Variants in PREPL observed in about 807,000 individuals in gnomAD.
PREPL encodes the protein prolyl endopeptidase like.
A neutral mutation model predicts 70.6 loss-of-function variants in PREPL; 77 were observed. The observed-to-expected ratio is 1.09, with a 90% CI of 0.91 to 1.32. PREPL has a LOEUF of 1.32. Ranked by LOEUF, PREPL falls within the 40% of genes most tolerant of loss-of-function variation. The probability of loss-of-function intolerance (pLI) is 0.00; values close to 1 mark genes in which losing one functional copy is unlikely to be tolerated. For synonymous variants in PREPL, 315 were observed against 264.8 expected, an observed-to-expected ratio of 1.19 and a Z score of -1.84; for missense variants, 1,002 against 778.2, an observed-to-expected ratio of 1.29 and a Z score of -3.42.
chr2:44,323,519 T>G, intron 10 of PREPL, 108 bp from the exon 11 acceptor site: 5 of 872,060 alleles, frequency 5.7e-6, no homozygotes, highest in Non-Finnish European at 8.2e-6. Context: ...AGAAAATAAC[T>G]CAAGCCATGT....
chr2:44,323,758 A>AAACAAC (rs534544261), intron 10 of PREPL, among the ~76,000 whole-genome samples: 3 of 152,130 alleles, frequency 2.0e-5, no homozygotes, highest in Admixed American at 6.5e-5. Context: ...TATTATATTA[A>AAACAAC]AACAACAACA....
At chr2:44,322,954 A>G (rs1177626614) in intron 11 of PREPL, 100 bp from the exon 12 acceptor site, 1 of 1,464,622 alleles carries the variant, frequency 6.8e-7, no homozygotes, top group Non-Finnish European at 9.2e-7. Context: ...TTTCCCTGTA[A>G]GTGCTCTATG....
At chr2:44,338,009 C>T (rs1674811716) in intron 7 of PREPL, among the ~76,000 whole-genome samples, 1 of 152,212 alleles carries the variant, frequency 6.6e-6, no homozygotes, top group Non-Finnish European at 1.5e-5. Flanking sequence ...AGTGTTTAGG[C>T]ACTAGCTACC....
intron 5 of PREPL, among the ~76,000 whole-genome samples, chr2:44,340,927 C>CA (rs966745305): frequency 2.5e-3 from 243 of 97,904 alleles, no homozygotes; most frequent in Middle Eastern, 0.013. Flanking sequence ...GACTCTGTTT[C>CA]AAAAAAAAAA....
chr2:44,323,172 G>A lies in PREPL; in HGVS notation c.1629+90C>T, dbSNP rs1673151506. On this transcript the variant is annotated intron_variant, in intron 11 of 13. Transcript: ENST00000409411. The stretch of plus-strand genomic sequence containing the variant: ...CATCATAAGTAGAAACATCTCTAAA[G>A]CTCCTATTTTTGCTTCAGCTTGGAT... 4.0e-6 allele frequency: 5 copies of A among 1,261,174 alleles called. No homozygotes were observed. The African/African-American group carries it at 6.1e-5, about 15-fold the overall frequency. 78.1% of individuals were successfully genotyped at this position (1,261,174 alleles called of 1,614,324 possible).
chr2:44,331,861 T>C (rs1442923498), intron 8 of PREPL, among the ~76,000 whole-genome samples: 1 of 152,132 alleles, frequency 6.6e-6, no homozygotes, highest in South Asian at 2.1e-4. Flanking sequence ...ACATACCAAC[T>C]CTATTAATTT....
chr2:44,346,463 AG>A, intron 1 of PREPL, 73 bp from the exon 2 acceptor site: 1 of 1,370,796 alleles, frequency 7.3e-7, no homozygotes, highest in South Asian at 1.2e-5. Flanking sequence ...AAAGATAAGT[AG>A]GTCTATACCG....
chr2:44,344,219 GA>G (rs1675533648), intron 3 of PREPL, among the ~76,000 whole-genome samples: 1 of 151,956 alleles, frequency 6.6e-6, no homozygotes, highest in South Asian at 2.1e-4. Flanking sequence ...AGACCATACA[GA>G]ACCTAGAAAG....
chr2:44,332,256 A>G (rs553330180), intron 8 of PREPL, among the ~76,000 whole-genome samples: 21 of 152,252 alleles, frequency 1.4e-4, no homozygotes, highest in African/African-American at 4.8e-4. Context: ...GACATGCTAT[A>G]AATTTTCTAA....
chr2:44,356,112 T>C (rs529226377), intron 1 of PREPL: 103 of 152,262 alleles, frequency 6.8e-4, no homozygotes, highest in African/African-American at 2.4e-3. Flanking sequence ...TACTTGCCAA[T>C]AAGAACTGCA....
chr2:44,334,213 C>T (rs1674408188), intron 7 of PREPL, among the ~76,000 whole-genome samples: 1 of 152,122 alleles, frequency 6.6e-6, no homozygotes, highest in Admixed American at 6.5e-5. Flanking sequence ...TAATGGACAG[C>T]ACCAGAGAGT....
intron 1 of PREPL, among the ~76,000 whole-genome samples, chr2:44,348,936 T>G (rs78154809): frequency 0.024 from 3,622 of 152,274 alleles, 161 homozygotes; most frequent in African/African-American, 0.083. Context: ...AAGCCATCCA[T>G]TTTAGCCAGG....
At chr2:44,334,193 C>A (rs1188120605) in intron 7 of PREPL, among the ~76,000 whole-genome samples, 1 of 152,120 alleles carries the variant, frequency 6.6e-6, no homozygotes, top group Admixed American at 6.6e-5. Context: ...TGCAGTGTAT[C>A]TGTGTATATT....
rs199938599 is a variant in PREPL at position 44,359,499 on chromosome 2, T to C, written c.-49+1881A>G. The C allele has an allele frequency of 2.5e-4, 395 of 1,601,838 alleles. No homozygotes were observed. The highest frequency in any genetic ancestry group is 5.8e-4 in the Admixed American group (35 of 59,958). On this transcript the variant is annotated intron_variant, in intron 1 of 13. Coordinates refer to ENST00000409411, the MANE Select transcript of PREPL (RefSeq NM_001171613.2). ...AGGTTAACTTAAACAGTCCATACCT[T>C]ACATGAGAAGCTCCGACTTGGGATG...
intron 6 of PREPL, 89 bp from the exon 7 acceptor site, chr2:44,338,625 C>A (rs1356884633): frequency 1.9e-6 from 2 of 1,026,194 alleles, no homozygotes; most frequent in Non-Finnish European, 2.8e-6. Flanking sequence ...CTAGACCATA[C>A]TAGTCCTCAC....
chr2:44,320,265 G>A lies in PREPL; in HGVS notation c.*1091C>T. ...AGATTTAAGTCTACTTCATGCCAAT[G>A]AGCTACTCCTCAACAGGGGCTGGTT... On this transcript the variant is annotated 3_prime_UTR_variant, in exon 14 of 14. Transcript: ENST00000409411. The A allele has an allele frequency of 1.9e-6, 3 of 1,614,092 alleles. No individual in the cohort carries two copies. Among genetic ancestry groups the A allele is most frequent in the Non-Finnish European group, 2.5e-6 (3 of 1,179,976 alleles).
At chr2:44,326,367 G>A (rs1673486193) in intron 10 of PREPL, among the ~76,000 whole-genome samples, 1 of 148,738 alleles carries the variant, frequency 6.7e-6, no homozygotes, top group African/African-American at 2.5e-5. Context: ...AACTGTAACA[G>A]AAATGTTTTT....
chr2:44,320,131 A>T lies in PREPL; in HGVS notation c.*1225T>A. The stretch of plus-strand genomic sequence containing the variant: ...TTTTGGGTAAATAACTCCTTACAAT[A>T]TATTAAAAATACTTACAAACAATTC... On this transcript the variant is annotated 3_prime_UTR_variant, in exon 14 of 14. Transcript: ENST00000409411. The T allele has an allele frequency of 7.3e-7, 1 of 1,373,052 alleles. No homozygotes were observed. The highest frequency in any genetic ancestry group is 1.0e-6 in the Non-Finnish European group (1 of 991,424). The allele number at this position is 1,373,052 out of a possible 1,614,324, so 85.1% of individuals were successfully genotyped here. A position where few individuals can be genotyped will look rare whatever the true frequency, so the allele number is the denominator to read the frequency against.
intron 8 of PREPL, among the ~76,000 whole-genome samples, chr2:44,331,700 C>T (rs371173154): frequency 1.2e-4 from 18 of 152,246 alleles, no homozygotes; most frequent in East Asian, 5.8e-4. Context: ...CCACTGTACT[C>T]AGTATGTCCT....
Sources: gnomAD v4.1 joint callset for allele counts (sites outside exome capture counted in the v4.1 genomes callset) on GRCh38, gnomAD v4.1.1 for gene constraint, MANE v1.5 for transcripts, NCBI Gene and HGNC (gene_info 2026-07-23, HGNC 2026-07-21) for gene names.